ANKS1A: variants seen among roughly 807,000 people sequenced by gnomAD.
The protein encoded by ANKS1A is ankyrin repeat and SAM domain-containing protein 1A.
Under a neutral mutation model 120.3 loss-of-function variants are expected in ANKS1A, and 55 were observed. The ratio of observed to expected loss-of-function variants is 0.46; its 90% CI spans 0.37 to 0.57. ANKS1A has a LOEUF of 0.57. ANKS1A is among the 20% of genes least tolerant of loss of function. ANKS1A has a pLI of 0.00. For missense variants in ANKS1A, 1,123 were observed against 1,480.3 expected, an observed-to-expected ratio of 0.76 and a Z score of 3.96; for synonymous variants, 590 against 604.7, an observed-to-expected ratio of 0.98 and a Z score of 0.36.
At chr6:34,948,800 G>A (rs142047103) in intron 1 of ANKS1A, among the ~76,000 whole-genome samples, 7 of 152,312 alleles carry the variant, frequency 4.6e-5, no homozygotes, top group Non-Finnish European at 7.3e-5. Context: ...TGGACTGAAT[G>A]TTCACGGATC....
chr6:35,058,450 C>G lies in ANKS1A; in HGVS notation c.2078-1697C>G, dbSNP rs1439127581. 4 of 152,224 alleles carry G rather than the reference C, an allele frequency of 2.6e-5. No individual in the cohort carries two copies. The highest frequency in any genetic ancestry group is 9.7e-5 in the African/African-American group (4 of 41,432). The allele number at this position is 152,224 out of a possible 1,614,324, so 9.4% of individuals were successfully genotyped here. ...TCAAGGGCAGGGGAGCTCAAGTATC[C>G]CCCAGACTCGGCATCTTGGAGCGCT... On this transcript the variant is annotated intron_variant, in intron 12 of 23. Coordinates refer to ENST00000360359, the MANE Select transcript of ANKS1A (RefSeq NM_015245.3). The surrounding 1 kb of genome is among the most constrained non-coding windows in gnomAD (Gnocchi z 5.1).
chr6:35,065,925 C>T (rs576316980), intron 13 of ANKS1A, among the ~76,000 whole-genome samples: 5 of 152,332 alleles, frequency 3.3e-5, no homozygotes, highest in Admixed American at 2.6e-4. Context: ...CGCCTCCTCC[C>T]CACCCTGCTC....
At chr6:35,067,095 C>T (rs937415763) in intron 13 of ANKS1A, among the ~76,000 whole-genome samples, 1 of 152,164 alleles carries the variant, frequency 6.6e-6, no homozygotes, top group Admixed American at 6.5e-5. Flanking sequence ...GGAAAGCCCT[C>T]GCCCCAGGTG....
intron 11 of ANKS1A, among the ~76,000 whole-genome samples, chr6:35,024,521 A>G (rs1377010543): frequency 6.6e-6 from 1 of 152,204 alleles, no homozygotes; most frequent in Non-Finnish European, 1.5e-5. Context: ...TAAGTGGGAG[A>G]TGGGTGAAGA....
chr6:35,090,312 T>G lies in ANKS1A; in HGVS notation c.*1703T>G, dbSNP rs1217031772. ...AGAGTTGACCAGGAACCCTAAAGCA[T>G]CCAGAGTAGACTGCGCTGCCACTGC... is the stretch of plus-strand genomic sequence containing the variant. On this transcript the variant is annotated 3_prime_UTR_variant, in exon 24 of 24. Coordinates refer to ENST00000360359, the MANE Select transcript of ANKS1A (RefSeq NM_015245.3). 13 of 1,289,084 alleles carry G rather than the reference T, an allele frequency of 1.0e-5. 1 individual carries two copies. In the South Asian group the frequency reaches 1.1e-4, roughly 11 times the overall value. 79.9% of individuals were successfully genotyped at this position (1,289,084 alleles called of 1,614,324 possible).
In ANKS1A at chr6:35,017,996, C is replaced by T. The variant is rs769814971; in HGVS notation, c.1947C>T (p.Ser649=). ...ATMGSRSESL[S]NCSIGKKRLE... ...TGGGGAGTCGGAGTGAGTCCTTATCCAACTGCAGCATTGGGAAGAAAAGGC... is the reference window on the plus strand; with the variant it reads ...TGGGGAGTCGGAGTGAGTCCTTATCTAACTGCAGCATTGGGAAGAAAAGGC... The change falls in exon 11 of 24, where the codon TCC becomes TCT. Residue 649 remains serine, a synonymous_variant. Transcript: ENST00000360359. The T allele has an allele frequency of 1.3e-5, 21 of 1,614,076 alleles. No individual in the cohort carries two copies. In the Admixed American group the frequency reaches 3.3e-4, roughly 26 times the overall value.
At chr6:35,097,689 T>C in the ANKS1A span, among the ~76,000 whole-genome samples, 4 of 149,582 alleles carry the variant, frequency 2.7e-5, no homozygotes, top group Non-Finnish European at 4.4e-5. Context: ...GCCAAAATGC[T>C]TGCCCATCCA....
intron 1 of ANKS1A, among the ~76,000 whole-genome samples, chr6:34,942,367 CACTT>C: frequency 6.6e-6 from 1 of 152,310 alleles, no homozygotes; most frequent in Non-Finnish European, 1.5e-5. Context: ...CTTCAGTACT[CACTT>C]GAGTTTAAGG....
chr6:34,996,924 T>C (rs973911253), intron 10 of ANKS1A, among the ~76,000 whole-genome samples: 1 of 152,234 alleles, frequency 6.6e-6, no homozygotes, highest in African/African-American at 2.4e-5. Context: ...TTCTGCACAA[T>C]TTGTTGAAAA....
chr6:35,001,437 G>A (rs1326783205), intron 10 of ANKS1A, among the ~76,000 whole-genome samples: 1 of 152,208 alleles, frequency 6.6e-6, no homozygotes, highest in Non-Finnish European at 1.5e-5. Flanking sequence ...TTCCACTAAG[G>A]TGGTCCTCCA....
chr6:35,083,146 C>A lies in ANKS1A; in HGVS notation c.2836-9C>A, dbSNP rs764478244. 1.1e-4 allele frequency: 183 copies of A among 1,613,748 alleles called. No individual in the cohort carries two copies. The highest frequency in any genetic ancestry group is 1.5e-4 in the Non-Finnish European group (179 of 1,179,836). ...ATTTCCTAAGCCTGGCCACTGCTCG[C>A]CCCCACAGTATCTGGGCTCCATGCT... On this transcript the variant is annotated splice_polypyrimidine_tract_variant and intron_variant, in intron 18 of 23. Coordinates refer to ENST00000360359, the MANE Select transcript of ANKS1A (RefSeq NM_015245.3).
In ANKS1A at chr6:34,982,329, G is replaced by A. The variant is rs1353804892; in HGVS notation, c.732+343G>A. Among the ~76,000 whole-genome samples, 4 of 152,140 alleles carry A rather than the reference G, an allele frequency of 2.6e-5. No individual in the cohort carries two copies. Among genetic ancestry groups the A allele is most frequent in the East Asian group, 1.9e-4 (1 of 5,200 alleles). ...GCCTCCACAGTCTCATCAGCTTGAC[G>A]TTGCCAGCAAGAAATGTCACATTTC... On this transcript the variant is annotated intron_variant, in intron 4 of 23. Coordinates refer to ENST00000360359, the MANE Select transcript of ANKS1A (RefSeq NM_015245.3). The surrounding 1 kb of genome is among the most constrained non-coding windows in gnomAD (Gnocchi z 4.9).
intron 11 of ANKS1A, among the ~76,000 whole-genome samples, chr6:35,049,880 C>G (rs1051572977): frequency 3.3e-5 from 5 of 152,182 alleles, no homozygotes; most frequent in African/African-American, 1.2e-4. Context: ...CCAAGTTACA[C>G]CAAAGCTTGA....
rs774477706 is a variant in ANKS1A, at chr6:34,994,395, G to C, written c.1396G>C (p.Val466Leu). The change falls in exon 10 of 24, where the codon GTG becomes CTG. Residue 466 changes from valine to leucine, a missense_variant. Around this residue, in one of 3 missense-constraint regions of ANKS1A, gnomAD observed 904 missense variants for 1,130.4 expected, o/e 0.80. Coordinates refer to ENST00000360359, the MANE Select transcript of ANKS1A (RefSeq NM_015245.3). ...GTTGTTAACAGCAGAGACAAAGAAA[G>C]TGGTGTTGGTGGATGGAAAAACAAA... ...ELLLTAETKK[V>L]VLVDGKTKDH... The C allele has an allele frequency of 6.2e-7, 1 of 1,612,968 alleles. No homozygotes were observed. Among genetic ancestry groups the C allele is most frequent in the African/African-American group, 1.3e-5 (1 of 74,894 alleles).
intron 3 of ANKS1A, among the ~76,000 whole-genome samples, chr6:34,978,404 T>G (rs1245523044): frequency 6.6e-6 from 1 of 152,058 alleles, no homozygotes; most frequent in Non-Finnish European, 1.5e-5. Flanking sequence ...ACACCTGTAG[T>G]GAGATTTGGA....
At chr6:34,955,506 T>G (rs762785795) in intron 1 of ANKS1A, among the ~76,000 whole-genome samples, 2 of 152,196 alleles carry the variant, frequency 1.3e-5, no homozygotes, top group Non-Finnish European at 2.9e-5. Context: ...TAAGTATTCT[T>G]TTTTTACATC....
In ANKS1A at chr6:35,086,824, C is replaced by A; in HGVS notation, c.3304-128C>A. 1 of 954,834 alleles carries A rather than the reference C, an allele frequency of 1.0e-6. No homozygotes were observed. The highest frequency in any genetic ancestry group is 1.7e-6 in the Non-Finnish European group (1 of 605,980). The allele number at this position is 954,834 out of a possible 1,614,324, so 59.1% of individuals were successfully genotyped here. On this transcript the variant is annotated intron_variant, in intron 22 of 23. Coordinates refer to ENST00000360359, the MANE Select transcript of ANKS1A (RefSeq NM_015245.3). This position sits in a 1 kb window ranked among gnomAD's most constrained non-coding sequence, Gnocchi z 5.1. ...CTGCCCCCAGGGGCCTGCTCTTTGG[C>A]CGAGGAGAATAAGGGCTGCCCCTCC...
Position 34,944,962 on chromosome 6 carries a change from C to T in ANKS1A, c.198-22277C>T, listed in dbSNP as rs75264135. Among the ~76,000 whole-genome samples, 440 of 152,188 alleles carry T rather than the reference C, an allele frequency of 2.9e-3. 1 individual carries two copies. Among genetic ancestry groups the T allele is most frequent in the Middle Eastern group, 0.01 (3 of 294 alleles). On this transcript the variant is annotated intron_variant, in intron 1 of 23. Transcript: ENST00000360359. ...CAGTGTTTTCATGGATCATGAAAGT[C>T]GGTGTTGTACCTAAATAGTCATCAT...
rs1568705 is a variant in ANKS1A, at chr6:35,044,683, A to G, written c.2011-9416A>G. Among the ~76,000 whole-genome samples the G allele has an allele frequency of 0.52, 79,706 of 152,130 alleles. 21,871 individuals are homozygous for G. The highest frequency in any genetic ancestry group is 0.65 in the Middle Eastern group (191 of 294). ...CAGGAAGTGAGCTATTGTTCACACAACATGTTCTAAACGTTCTCTGCCAAA... is the reference window on the plus strand; with the variant it reads ...CAGGAAGTGAGCTATTGTTCACACAGCATGTTCTAAACGTTCTCTGCCAAA... On this transcript the variant is annotated intron_variant, in intron 11 of 23. Transcript: ENST00000360359. The surrounding 1 kb of genome is among the most constrained non-coding windows in gnomAD (Gnocchi z 4.4).
Sources: gnomAD v4.1 joint callset for allele counts (sites outside exome capture counted in the v4.1 genomes callset) on GRCh38, gnomAD v4.1.1 for gene constraint, gnomAD v4.1.1 regional missense constraint, Gnocchi (gnomAD v3.1) non-coding constraint, MANE v1.5 for transcripts, NCBI Gene and HGNC (gene_info 2026-07-23, HGNC 2026-07-21) for gene names.